Variants in WWOX observed in about 807,000 individuals in gnomAD.
The protein encoded by WWOX is WW domain-containing oxidoreductase.
A neutral mutation model predicts 46.2 loss-of-function variants in WWOX; 69 were observed. That is an observed-to-expected ratio of 1.49 (90% CI 1.23 to 1.82). The LOEUF (loss-of-function observed/expected upper bound fraction) is 1.82, where lower values mean the gene tolerates loss of function less well. Among genes scored for constraint, WWOX ranks in the 40% most tolerant of loss-of-function variants. WWOX has a pLI of 0.00. For synonymous variants in WWOX, 359 were observed against 202.6 expected, an observed-to-expected ratio of 1.77 and a Z score of -6.56; for missense variants, 919 against 542.6, an observed-to-expected ratio of 1.69 and a Z score of -6.89.
chr16:78,414,213 A>G (rs1567558069), intron 6 of WWOX, among the ~76,000 whole-genome samples: 2 of 151,588 alleles, frequency 1.3e-5, no homozygotes, highest in Non-Finnish European at 1.5e-5. Context: ...AAACTGCCCT[A>G]CACCTATTTC....
chr16:79,133,085 G>C (rs976878815), intron 8 of WWOX, among the ~76,000 whole-genome samples: 3 of 152,210 alleles, frequency 2.0e-5, no homozygotes, highest in African/African-American at 4.8e-5. Context: ...GACCTTTCTA[G>C]GGTTGTTTCT....
chr16:78,478,269 A>T (rs770757115), intron 8 of WWOX, among the ~76,000 whole-genome samples: 2 of 152,200 alleles, frequency 1.3e-5, no homozygotes, highest in Non-Finnish European at 2.9e-5. Context: ...CATTCTTTTT[A>T]TAGCTCATTA....
intron 5 of WWOX, among the ~76,000 whole-genome samples, chr16:78,206,932 T>A (rs1332358968): frequency 6.6e-6 from 1 of 152,184 alleles, no homozygotes; most frequent in Admixed American, 6.5e-5. Flanking sequence ...TACTGATAAT[T>A]GAATGTTTTA....
intron 7 of WWOX, among the ~76,000 whole-genome samples, chr16:78,430,151 T>C (rs902036373): frequency 2.6e-5 from 4 of 152,132 alleles, no homozygotes; most frequent in Non-Finnish European, 4.4e-5. Context: ...TTACATGACA[T>C]CAGGCAACAG....
intron 5 of WWOX, among the ~76,000 whole-genome samples, chr16:78,220,292 C>G (rs1234257391): frequency 1.3e-5 from 2 of 152,124 alleles, no homozygotes; most frequent in Admixed American, 6.5e-5. Flanking sequence ...TACCTTATGT[C>G]TTTCTGATTT....
intron 7 of WWOX, among the ~76,000 whole-genome samples, chr16:78,427,854 A>C (rs2083123012): frequency 6.6e-6 from 1 of 152,016 alleles, no homozygotes; most frequent in Non-Finnish European, 1.5e-5. Flanking sequence ...TAATCCCAGC[A>C]CTCAAGAGTT....
chr16:78,875,339 C>A (rs1039679817), intron 8 of WWOX, among the ~76,000 whole-genome samples: 4 of 152,120 alleles, frequency 2.6e-5, no homozygotes, highest in Non-Finnish European at 4.4e-5. Context: ...GCTTTGTAAG[C>A]CTTCTCTAGC....
chr16:78,393,591 G>A (rs565782624), intron 6 of WWOX, among the ~76,000 whole-genome samples: 12 of 152,160 alleles, frequency 7.9e-5, no homozygotes, highest in South Asian at 4.1e-4. Flanking sequence ...AGTTGGTGAC[G>A]ACACCTGAGA....
At chr16:78,448,776 C>T (rs1441477430) in intron 8 of WWOX, among the ~76,000 whole-genome samples, 4 of 152,126 alleles carry the variant, frequency 2.6e-5, no homozygotes, top group Admixed American at 6.5e-5. Context: ...GTGAACTTCC[C>T]GGAACCAGAG....
intron 8 of WWOX, among the ~76,000 whole-genome samples, chr16:78,524,037 T>G (rs2043404762): frequency 6.6e-6 from 1 of 152,130 alleles, no homozygotes; most frequent in Non-Finnish European, 1.5e-5. Flanking sequence ...ATGGGAGCTT[T>G]CATTAAATTG....
At chr16:78,335,749 G>A (rs969987898) in intron 5 of WWOX, among the ~76,000 whole-genome samples, 5 of 152,134 alleles carry the variant, frequency 3.3e-5, no homozygotes, top group African/African-American at 7.2e-5. Flanking sequence ...ACTCATGTTC[G>A]TGTGGTTCTG....
At chr16:78,230,081 T>A (rs1011615751) in intron 5 of WWOX, among the ~76,000 whole-genome samples, 1 of 152,144 alleles carries the variant, frequency 6.6e-6, no homozygotes, top group Non-Finnish European at 1.5e-5. Flanking sequence ...GGTTTTACCA[T>A]GTTGCCTAGG....
intron 2 of WWOX, among the ~76,000 whole-genome samples, chr16:78,109,405 C>T (rs953230538): frequency 2.0e-5 from 3 of 152,084 alleles, no homozygotes; most frequent in South Asian, 2.1e-4. Context: ...AAAAAATGGC[C>T]GTGCCCTCTA....
chr16:78,249,038 T>C (rs1305677736), intron 5 of WWOX, among the ~76,000 whole-genome samples: 1 of 151,988 alleles, frequency 6.6e-6, no homozygotes, highest in Non-Finnish European at 1.5e-5. Context: ...TTTGTACTTT[T>C]AGTAGAGATG....
In WWOX at chr16:78,509,655, A is replaced by G. The variant is rs184534930; in HGVS notation, c.1056+76903A>G. On this transcript the variant is annotated intron_variant, in intron 8 of 8. Transcript: ENST00000566780. ...GCTGAAAAGCAGCGATGGCAGGACTATTTACACCACGGAAACAGGCAAAAA... is the reference window on the plus strand; with the variant it reads ...GCTGAAAAGCAGCGATGGCAGGACTGTTTACACCACGGAAACAGGCAAAAA... Among the ~76,000 whole-genome samples the G allele has an allele frequency of 4.3e-4, 65 of 152,272 alleles. No individual in the cohort carries two copies. In the East Asian group the frequency reaches 0.011, roughly 26 times the overall value.
At position 78,929,409 on chromosome 16, in the gene WWOX, A is replaced by G. The variant is rs1029868627; in HGVS notation, c.1057-282199A>G. On this transcript the variant is annotated intron_variant, in intron 8 of 8. Transcript: ENST00000566780. ...TATAACAGTGATTTATAAAGACATTACTAAAGAATAGGAAAGAAGGATTTT... is the reference window on the plus strand; with the variant it reads ...TATAACAGTGATTTATAAAGACATTGCTAAAGAATAGGAAAGAAGGATTTT... 3.9e-5 allele frequency among the ~76,000 whole-genome samples: 6 copies of G among 152,292 alleles called. No individual in the cohort carries two copies. In the East Asian group the frequency reaches 1.2e-3, roughly 29 times the overall value.
intron 8 of WWOX, among the ~76,000 whole-genome samples, chr16:78,720,935 C>T (rs1009870655): frequency 6.6e-6 from 1 of 152,094 alleles, no homozygotes. Flanking sequence ...AAACCAAGAG[C>T]ACTTCTCCAT....
chr16:78,211,540 G>T (rs1356776397), intron 5 of WWOX, among the ~76,000 whole-genome samples: 1 of 152,098 alleles, frequency 6.6e-6, no homozygotes, highest in African/African-American at 2.4e-5. Flanking sequence ...GCAGACCTTG[G>T]CAGTTGCTGT....
chr16:78,208,588 G>A (rs943788218), intron 5 of WWOX, among the ~76,000 whole-genome samples: 3 of 152,100 alleles, frequency 2.0e-5, no homozygotes, highest in Non-Finnish European at 2.9e-5. Context: ...AAATGCATGC[G>A]TTCATTCCTA....
Sources: allele counts gnomAD v4.1 joint callset (sites outside exome capture counted in the v4.1 genomes callset), GRCh38; gene constraint gnomAD v4.1.1; transcripts MANE v1.5; gene names NCBI Gene and HGNC (gene_info 2026-07-23, HGNC 2026-07-21).